Variants in MTMR12 observed in about 807,000 individuals in gnomAD.
MTMR12 encodes the protein myotubularin-related protein 12.
MTMR12 carries 33 observed loss-of-function variants against 96.7 expected under a neutral mutation model. The observed-to-expected ratio is 0.34, with a 90% confidence interval of 0.26 to 0.46. The LOEUF is 0.46. MTMR12 is among the 20% of genes least tolerant of loss of function. MTMR12 has a pLI of 1.00. For synonymous variants in MTMR12, 298 were observed against 327.2 expected (o/e 0.91, Z 0.96); for missense variants, 721 against 896.1 (o/e 0.80, Z 2.49).
chr5:32,255,570 T>C (rs1267407180), intron 8 of MTMR12, 123 bp downstream of exon 8: 2 of 883,180 alleles, frequency 2.3e-6, no homozygotes, highest in Non-Finnish European at 3.4e-6. Flanking sequence ...CTAAGATATT[T>C]CTGGATTGTT....
In MTMR12 at chr5:32,228,654, T is replaced by TA. The variant is rs1747867997; in HGVS notation, c.*1123_*1124insT. The stretch of plus-strand genomic sequence containing the variant: ...TCACATATATATCATATATATATCA[T>TA]TTAGACAGCAGATCCAAGAAGGTGA... On this transcript the variant is annotated 3_prime_UTR_variant, in exon 16 of 16. Coordinates refer to ENST00000382142, the MANE Select transcript of MTMR12 (RefSeq NM_001040446.3). The TA allele has an allele frequency of 7.0e-6, 1 of 142,070 alleles. No homozygotes were observed. Among genetic ancestry groups the TA allele is most frequent in the Admixed American group, 7.3e-5 (1 of 13,768 alleles). 8.8% of individuals were successfully genotyped at this position (142,070 alleles called of 1,614,324 possible).
intron 1 of MTMR12, among the ~76,000 whole-genome samples, chr5:32,290,041 C>T (rs752430270): frequency 6.6e-6 from 1 of 152,186 alleles, no homozygotes; most frequent in Non-Finnish European, 1.5e-5. Flanking sequence ...ACTCCAGTTG[C>T]AGCTGCTGTA....
intron 5 of MTMR12, 106 bp downstream of exon 5, chr5:32,270,711 C>T: frequency 7.8e-7 from 1 of 1,276,646 alleles, no homozygotes; most frequent in Non-Finnish European, 1.1e-6. Context: ...TTCAAGTTCA[C>T]AGAGTGAAAG....
chr5:32,254,209 C>T (rs373623673), intron 8 of MTMR12, among the ~76,000 whole-genome samples: 3 of 152,192 alleles, frequency 2.0e-5, no homozygotes, highest in East Asian at 3.8e-4. Flanking sequence ...GTATACACTA[C>T]GCTGGGAGGT....
intron 3 of MTMR12, among the ~76,000 whole-genome samples, chr5:32,273,149 C>T (rs1438870288): frequency 1.3e-5 from 2 of 152,060 alleles, no homozygotes; most frequent in Non-Finnish European, 2.9e-5. Flanking sequence ...TCTGTAATCC[C>T]AGCACTTTGA....
chr5:32,300,949 C>T (rs1177163951), intron 1 of MTMR12, among the ~76,000 whole-genome samples: 3 of 152,136 alleles, frequency 2.0e-5, no homozygotes, highest in East Asian at 1.9e-4. Context: ...GTGGCATGCG[C>T]CTGTAGTCCC....
chr5:32,271,907 T>A lies in MTMR12; in HGVS notation c.286-2A>T. The A allele has an allele frequency of 6.5e-7, 1 of 1,530,550 alleles. No homozygotes were observed. Among genetic ancestry groups the A allele is most frequent in the Non-Finnish European group, 8.9e-7 (1 of 1,119,244 alleles). The allele number at this position is 1,530,550 out of a possible 1,614,324, so 94.8% of individuals were successfully genotyped here. On this transcript the variant is annotated splice_acceptor_variant, in intron 3 of 15. Transcript: ENST00000382142. LOFTEE classifies it high-confidence loss of function. ...AACCTTATTCTTAAATTGAGTTTCC[T>A]AGAAGATTCAAAAGGAAACAACTGT...
chr5:32,257,884 C>A (rs34166254), intron 7 of MTMR12, among the ~76,000 whole-genome samples: 1 of 152,016 alleles, frequency 6.6e-6, no homozygotes, highest in East Asian at 1.9e-4. Context: ...CTGGGCAACA[C>A]GGCAAAATCC....
intron 1 of MTMR12, among the ~76,000 whole-genome samples, chr5:32,297,602 C>T (rs909439205): frequency 1.3e-5 from 2 of 149,050 alleles, no homozygotes; most frequent in African/African-American, 5.0e-5. Flanking sequence ...AAGATGCAAA[C>T]TAAATTCCTC....
At chr5:32,248,216 C>A in intron 9 of MTMR12, 90 bp from the exon 10 acceptor site, 1 of 1,392,762 alleles carries the variant, frequency 7.2e-7, no homozygotes, top group Non-Finnish European at 9.9e-7. Flanking sequence ...GTTAAGGGCT[C>A]AGTAGGCATT....
intron 7 of MTMR12, among the ~76,000 whole-genome samples, chr5:32,258,441 A>G (rs1749225734): frequency 6.6e-6 from 1 of 152,204 alleles, no homozygotes; most frequent in Non-Finnish European, 1.5e-5. Context: ...AAAGATTACC[A>G]ATGTCCAGGC....
intron 10 of MTMR12, among the ~76,000 whole-genome samples, chr5:32,246,176 T>TTTTTTTTGTTTTTTG (rs1554056263): frequency 2.0e-5 from 3 of 149,008 alleles, no homozygotes; most frequent in Admixed American, 6.6e-5. Flanking sequence ...GACAGTTTTT[T>TTTTTTTTGTTTTTTG]TTTTTTTTGA....
At chr5:32,230,493 G>T (rs978948451) in intron 15 of MTMR12, 146 bp from the exon 16 acceptor site, 1 of 728,822 alleles carries the variant, frequency 1.4e-6, no homozygotes, top group Non-Finnish European at 2.2e-6. Context: ...TCATTAACAC[G>T]CTGTGACATC....
At position 32,268,729 on chromosome 5, in the gene MTMR12, G is replaced by A; in HGVS notation, c.555C>T (p.Ser185=). 1 of 1,613,912 alleles carries A rather than the reference G, an allele frequency of 6.2e-7. No individual in the cohort carries two copies. Among genetic ancestry groups the A allele is most frequent in the Non-Finnish European group, 8.5e-7 (1 of 1,179,844 alleles). The part of the protein sequence containing the change: ...PKLLKRLFLF[S]YATAAQNNTV... Reference sequence around the variant, plus strand: ...TATTGTTTTGTGCAGCAGTCGCATAGGAAAACAGAAATAATCGTTTAAGCA... The same window carrying A: ...TATTGTTTTGTGCAGCAGTCGCATAAGAAAACAGAAATAATCGTTTAAGCA... The change falls in exon 6 of 16, where the codon TCC becomes TCT. Residue 185 remains serine (S), a synonymous_variant. Coordinates refer to ENST00000382142, the MANE Select transcript of MTMR12 (RefSeq NM_001040446.3).
intron 13 of MTMR12, among the ~76,000 whole-genome samples, chr5:32,235,473 T>C (rs1238323312): frequency 6.6e-6 from 1 of 152,204 alleles, no homozygotes; most frequent in African/African-American, 2.4e-5. Context: ...TCCAAAAAAA[T>C]TCCATTCTTC....
At chr5:32,232,533 A>G (rs78762943) in intron 15 of MTMR12, among the ~76,000 whole-genome samples, 3,612 of 152,302 alleles carry the variant, frequency 0.024, 56 homozygotes, top group African/African-American at 0.033. Context: ...GTAACACAAC[A>G]GACGTTGTCC....
At chr5:32,300,546 A>T (rs1751099291) in intron 1 of MTMR12, among the ~76,000 whole-genome samples, 1 of 151,782 alleles carries the variant, frequency 6.6e-6, no homozygotes, top group Non-Finnish European at 1.5e-5. Flanking sequence ...CCCTCACCAC[A>T]CTGAGGGCCT....
At chr5:32,299,684 T>G (rs771661935) in intron 1 of MTMR12, among the ~76,000 whole-genome samples, 5 of 152,200 alleles carry the variant, frequency 3.3e-5, no homozygotes, top group Non-Finnish European at 5.9e-5. Flanking sequence ...TACAGCAGCA[T>G]GTCACAGAAA....
rs1309570184 is a variant in MTMR12, at chr5:32,228,588, TGTG to T, written c.*1187_*1189del. ...ATATATCATATATATATCATATATA[TGTG>T]ATATATATATATATATCATATATAT... On this transcript the variant is annotated 3_prime_UTR_variant, in exon 16 of 16. Transcript: ENST00000382142. 8.7e-6 allele frequency: 1 copy of T among 114,356 alleles called. No individual in the cohort carries two copies. The highest frequency in any genetic ancestry group is 3.6e-5 in the African/African-American group (1 of 27,966). 7.1% of individuals were successfully genotyped at this position (114,356 alleles called of 1,614,324 possible). A position where few individuals can be genotyped will look rare whatever the true frequency, so the allele number is the denominator to read the frequency against.
Sources: allele counts gnomAD v4.1 joint callset (sites outside exome capture counted in the v4.1 genomes callset), GRCh38; gene constraint gnomAD v4.1.1; transcripts MANE v1.5; gene names NCBI Gene and HGNC (gene_info 2026-07-23, HGNC 2026-07-21).